GRM7: variants seen among roughly 807,000 people sequenced by gnomAD.
GRM7 encodes the protein metabotropic glutamate receptor 7.
In GRM7, 35 loss-of-function variants were observed where a neutral mutation model predicts 84.5. The observed-to-expected ratio is 0.41, with a 90% confidence interval of 0.32 to 0.55. GRM7 has a LOEUF of 0.55. Ranked by LOEUF, GRM7 falls within the 20% of genes least tolerant of loss-of-function variation. The probability of loss-of-function intolerance (pLI) is 0.19; values close to 1 mark genes in which losing one functional copy is unlikely to be tolerated. For missense variants in GRM7, 1,003 were observed against 1,194.6 expected, an observed-to-expected ratio of 0.84 and a Z score of 2.36; for synonymous variants, 487 against 455.1, an observed-to-expected ratio of 1.07 and a Z score of -0.89.
At chr3:7,001,945 T>A (rs1480196892) in intron 1 of GRM7, among the ~76,000 whole-genome samples, 2 of 152,232 alleles carry the variant, frequency 1.3e-5, no homozygotes, top group Non-Finnish European at 2.9e-5. Flanking sequence ...TTAAGTCCCC[T>A]AAGCCAATTA....
chr3:7,331,330 G>A (rs564402141), intron 4 of GRM7, among the ~76,000 whole-genome samples: 1 of 152,328 alleles, frequency 6.6e-6, no homozygotes, highest in Admixed American at 6.5e-5. Context: ...AAGGAACTTG[G>A]TGGAATCCTA....
chr3:7,169,154 A>G (rs967694720), intron 2 of GRM7, among the ~76,000 whole-genome samples: 3 of 152,072 alleles, frequency 2.0e-5, no homozygotes, highest in Non-Finnish European at 2.9e-5. Flanking sequence ...ATCTTCCTAG[A>G]CTGAAATCAT....
chr3:7,151,243 C>A lies in GRM7; in HGVS notation c.736+4575C>A, dbSNP rs1365210368. On this transcript the variant is annotated intron_variant, in intron 2 of 9. Transcript: ENST00000357716. This position sits in a 1 kb window ranked among gnomAD's most constrained non-coding sequence, Gnocchi z 4.5. ...TCAGTTTTTTAGACCTCAAGCTCTA[C>A]TAAAAATACAAAAATTAACCTGGCA... 6.6e-6 allele frequency among the ~76,000 whole-genome samples: 1 copy of A among 152,070 alleles called. No individual in the cohort carries two copies.
chr3:6,978,951 C>T (rs920645972), intron 1 of GRM7, among the ~76,000 whole-genome samples: 23 of 152,020 alleles, frequency 1.5e-4, no homozygotes. Flanking sequence ...TTCATTCTAT[C>T]CAAGTTATGA....
At chr3:7,516,798 T>A (rs1466200524) in intron 7 of GRM7, among the ~76,000 whole-genome samples, 1 of 152,250 alleles carries the variant, frequency 6.6e-6, no homozygotes, top group Non-Finnish European at 1.5e-5. Context: ...CTGCTTCTGC[T>A]GATGACCAAG....
chr3:7,723,732 C>T lies in GRM7; in HGVS notation c.2699-16625C>T, dbSNP rs546681727. Among the ~76,000 whole-genome samples the T allele has an allele frequency of 3.3e-5, 5 of 152,060 alleles. No homozygotes were observed. In the East Asian group the frequency reaches 9.7e-4, roughly 29 times the overall value. On this transcript the variant is annotated intron_variant, in intron 9 of 9. Transcript: ENST00000357716. The stretch of plus-strand genomic sequence containing the variant: ...AGGCATGGTGGCGTGCACCTGTAGT[C>T]CCAGCTATTTGGGAAGCTGTGGTGG...
chr3:7,327,447 T>C (rs1309576384), intron 4 of GRM7, among the ~76,000 whole-genome samples: 1 of 152,198 alleles, frequency 6.6e-6, no homozygotes, highest in African/African-American at 2.4e-5. Context: ...AATTCTATTA[T>C]GTAATCCAAT....
At chr3:6,948,715 C>A (rs1315929925) in intron 1 of GRM7, among the ~76,000 whole-genome samples, 7 of 152,134 alleles carry the variant, frequency 4.6e-5, no homozygotes, top group Non-Finnish European at 1.5e-5. Flanking sequence ...TCACTAAGGA[C>A]TTGCTTTATG....
chr3:7,625,042 C>T lies in GRM7; in HGVS notation c.2451+45685C>T, dbSNP rs1225375833. On this transcript the variant is annotated intron_variant, in intron 8 of 9. Coordinates refer to ENST00000357716, the MANE Select transcript of GRM7 (RefSeq NM_000844.4). The stretch of plus-strand genomic sequence containing the variant: ...AACTTGGCCCAGGTCTCAGCAGCCG[C>T]GTTGGTATTTGAACCCAAGACTTCT... Among the ~76,000 whole-genome samples the T allele has an allele frequency of 1.4e-4, 21 of 152,128 alleles. 1 individual carries two copies. Among genetic ancestry groups the T allele is most frequent in the Admixed American group, 1.2e-3 (19 of 15,282 alleles).
In GRM7 at chr3:7,087,768, C is replaced by T. The variant is rs183215112; in HGVS notation, c.520-58684C>T. Among the ~76,000 whole-genome samples the T allele has an allele frequency of 8.5e-4, 130 of 152,196 alleles. 1 individual carries two copies. Among genetic ancestry groups the T allele is most frequent in the Non-Finnish European group, 8.4e-4 (57 of 68,002 alleles). The stretch of plus-strand genomic sequence containing the variant: ...AGCAAAAGGGTTTATAAAATTAATT[C>T]CTTTATCTGTAACATACCAATGATA... On this transcript the variant is annotated intron_variant, in intron 1 of 9. Transcript: ENST00000357716.
At chr3:6,919,567 CTTT>C (rs35688405) in intron 1 of GRM7, among the ~76,000 whole-genome samples, 1 of 141,428 alleles carries the variant, frequency 7.1e-6, no homozygotes, top group Admixed American at 7.1e-5. Flanking sequence ...TATTGTTCAT[CTTT>C]TTTTTTTTTT....
At chr3:7,294,257 C>T (rs1699737981) in intron 2 of GRM7, among the ~76,000 whole-genome samples, 1 of 152,188 alleles carries the variant, frequency 6.6e-6, no homozygotes, top group African/African-American at 2.4e-5. Context: ...CTTAATCACT[C>T]AGCTGTAATT....
At chr3:7,255,369 T>A (rs538147525) in intron 2 of GRM7, among the ~76,000 whole-genome samples, 5 of 152,340 alleles carry the variant, frequency 3.3e-5, no homozygotes, top group Middle Eastern at 3.4e-3. Flanking sequence ...AGGGTTGTTG[T>A]CTTTCTAGCT....
intron 4 of GRM7, among the ~76,000 whole-genome samples, chr3:7,404,030 C>T (rs1695570896): frequency 6.6e-6 from 1 of 152,108 alleles, no homozygotes; most frequent in South Asian, 2.1e-4. Flanking sequence ...CATGGATGCT[C>T]AGGCCCAACA....
intron 9 of GRM7, among the ~76,000 whole-genome samples, chr3:7,714,526 G>A (rs1701707061): frequency 6.6e-6 from 1 of 152,182 alleles, no homozygotes; most frequent in South Asian, 2.1e-4. Flanking sequence ...TGTTAGAAAT[G>A]CATTCACTTA....
At chr3:7,461,785 C>T (rs1698259744) in intron 7 of GRM7, 63 bp downstream of exon 7, 3 of 1,470,114 alleles carry the variant, frequency 2.0e-6, no homozygotes, top group Non-Finnish European at 2.9e-6. Context: ...TTAATTTGCT[C>T]AGTTATACAA....
chr3:7,268,371 A>G (rs1036175513), intron 2 of GRM7, among the ~76,000 whole-genome samples: 2 of 151,946 alleles, frequency 1.3e-5, no homozygotes, highest in African/African-American at 4.8e-5. Flanking sequence ...TGGAAGGATT[A>G]GTTGAGTCCA....
chr3:7,095,207 C>T (rs1291382883), intron 1 of GRM7, among the ~76,000 whole-genome samples: 2 of 152,096 alleles, frequency 1.3e-5, no homozygotes, highest in Non-Finnish European at 2.9e-5. Context: ...TTCCCTAAAC[C>T]TCTGAAAAGA....
chr3:7,530,036 CA>C (rs1290091670), intron 7 of GRM7, among the ~76,000 whole-genome samples: 1 of 151,590 alleles, frequency 6.6e-6, no homozygotes, highest in Non-Finnish European at 1.5e-5. Context: ...TGGTTTGCAG[CA>C]CCCATCAACC....
Sources: allele counts gnomAD v4.1 joint callset (sites outside exome capture counted in the v4.1 genomes callset), GRCh38; gene constraint gnomAD v4.1.1; non-coding constraint Gnocchi (gnomAD v3.1); transcripts MANE v1.5; gene names NCBI Gene and HGNC (gene_info 2026-07-23, HGNC 2026-07-21).